The following RIPK2 variants were observed in gnomAD, a reference collection of about 807,000 sequenced individuals.
The protein encoded by RIPK2 is receptor-interacting serine/threonine-protein kinase 2.
Under a neutral mutation model 60.9 loss-of-function variants are expected in RIPK2, and 38 were observed. That is an observed-to-expected ratio of 0.62 (90% CI 0.48 to 0.82). The LOEUF (loss-of-function observed/expected upper bound fraction) is 0.82, where lower values mean the gene tolerates loss of function less well. Among genes scored for constraint, RIPK2 ranks in the 40% least tolerant of loss-of-function variants. RIPK2 has a pLI of 0.00. For missense variants in RIPK2, 518 were observed against 647.0 expected, an observed-to-expected ratio of 0.80 and a Z score of 2.16; for synonymous variants, 225 against 223.4, an observed-to-expected ratio of 1.01 and a Z score of -0.06.
At chr8:89,764,089 A>G (rs951657749) in intron 2 of RIPK2, among the ~76,000 whole-genome samples, 2 of 152,110 alleles carry the variant, frequency 1.3e-5, no homozygotes, top group Non-Finnish European at 1.5e-5. Context: ...CCTTGTCTCC[A>G]TGATCACAAG....
chr8:89,784,070 C>A lies in RIPK2; in HGVS notation c.960C>A (p.Ala320=). ...KKTKLQSVSS[A]IHLCDKKKME... Reference sequence around the variant, plus strand: ...TACAGTTACAGAGTGTTTCAAGTGCCATTCACCTATGTGACAAGAAGAAAA... The same window carrying A: ...TACAGTTACAGAGTGTTTCAAGTGCAATTCACCTATGTGACAAGAAGAAAA... Residue 320 remains alanine (A), a synonymous_variant, in exon 8 of 11, where the codon GCC becomes GCA. Transcript: ENST00000220751. 1 of 1,575,270 alleles carries A rather than the reference C, an allele frequency of 6.3e-7. No homozygotes were observed. Among genetic ancestry groups the A allele is most frequent in the Non-Finnish European group, 8.6e-7 (1 of 1,156,174 alleles).
At chr8:89,788,466 G>T (rs1809622622) in intron 9 of RIPK2, among the ~76,000 whole-genome samples, 1 of 151,938 alleles carries the variant, frequency 6.6e-6, no homozygotes, top group Non-Finnish European at 1.5e-5. Flanking sequence ...TGGCCAGAGG[G>T]CTTTTGAAAA....
intron 6 of RIPK2, among the ~76,000 whole-genome samples, chr8:89,779,480 A>G (rs779968178): frequency 2.0e-5 from 3 of 151,600 alleles, no homozygotes; most frequent in Non-Finnish European, 4.4e-5. Context: ...ACGCCCAGCT[A>G]ATTTTCTTTT....
At chr8:89,781,580 T>A (rs39507) in intron 7 of RIPK2, among the ~76,000 whole-genome samples, 68,494 of 151,196 alleles carry the variant, frequency 0.45, 15,562 homozygotes, top group Middle Eastern at 0.49. Context: ...TTCTTTTTTT[T>A]AAAAAAAATC....
At chr8:89,779,213 T>G (rs1809451708) in intron 6 of RIPK2, among the ~76,000 whole-genome samples, 1 of 151,440 alleles carries the variant, frequency 6.6e-6, no homozygotes, top group Admixed American at 6.6e-5. Flanking sequence ...GGAAATATAG[T>G]GTGCAAGGCT....
chr8:89,771,675 G>A lies in RIPK2; in HGVS notation c.642-66G>A, dbSNP rs1181275161. The A allele has an allele frequency of 1.9e-5, 20 of 1,033,258 alleles. No homozygotes were observed. The Admixed American group carries it at 4.8e-4, about 25-fold the overall frequency. The allele number at this position is 1,033,258 out of a possible 1,614,324, so 64.0% of individuals were successfully genotyped here. A position where few individuals can be genotyped will look rare whatever the true frequency, so the allele number is the denominator to read the frequency against. On this transcript the variant is annotated intron_variant, in intron 4 of 10. Coordinates refer to ENST00000220751, the MANE Select transcript of RIPK2 (RefSeq NM_003821.6). The stretch of plus-strand genomic sequence containing the variant: ...TCTTCAGTCAGCTTTTAAAAATAGT[G>A]CTATTTTAGTTTATTATGCAGAGTT...
chr8:89,767,491 A>G (rs1809247784), intron 3 of RIPK2, among the ~76,000 whole-genome samples: 1 of 151,720 alleles, frequency 6.6e-6, no homozygotes, highest in Admixed American at 6.6e-5. Flanking sequence ...TGGTAGGGGA[A>G]AGGAGAGAGA....
At chr8:89,758,300 G>C in intron 1 of RIPK2, 67 bp downstream of exon 1, 1 of 1,464,120 alleles carries the variant, frequency 6.8e-7, no homozygotes, top group Non-Finnish European at 9.1e-7. Flanking sequence ...CCCCTGACAA[G>C]CGGGCTCTAG....
At chr8:89,784,637 A>G (rs564598313) in intron 8 of RIPK2, among the ~76,000 whole-genome samples, 1 of 152,340 alleles carries the variant, frequency 6.6e-6, no homozygotes, top group East Asian at 1.9e-4. Flanking sequence ...ACATAGATTG[A>G]GCATCCCTAA....
chr8:89,786,008 G>GC (rs1586134474), intron 8 of RIPK2, among the ~76,000 whole-genome samples: 1 of 152,070 alleles, frequency 6.6e-6, no homozygotes, highest in East Asian at 1.9e-4. Flanking sequence ...CACTATTCTA[G>GC]CTACTGGCTG....
At chr8:89,768,695 A>AT (rs1055527850) in intron 3 of RIPK2, among the ~76,000 whole-genome samples, 3 of 151,150 alleles carry the variant, frequency 2.0e-5, no homozygotes, top group Admixed American at 6.6e-5. Flanking sequence ...GATTATTTTT[A>AT]TTTTTTTTCT....
intron 1 of RIPK2, 118 bp from the exon 2 acceptor site, chr8:89,762,711 C>A (rs1405677663): frequency 6.3e-6 from 3 of 474,246 alleles, no homozygotes; most frequent in Admixed American, 8.2e-5. Flanking sequence ...AGAGAAGTTG[C>A]ATAATTTACA....
Position 89,789,664 on chromosome 8 carries a change from A to G in RIPK2, c.1285+182A>G, listed in dbSNP as rs76966445. ...GATGACATGGCCCAAATGGTATTCT[A>G]TGAACATCTAAATAGGGAGGCAGTG... On this transcript the variant is annotated intron_variant, in intron 10 of 10. Transcript: ENST00000220751. Among the ~76,000 whole-genome samples the G allele has an allele frequency of 4.6e-3, 701 of 152,316 alleles. 4 individuals are homozygous for G. Among genetic ancestry groups the G allele is most frequent in the African/African-American group, 0.016 (664 of 41,572 alleles).
intron 7 of RIPK2, 162 bp downstream of exon 7, chr8:89,780,322 T>G: frequency 5.1e-6 from 2 of 391,000 alleles, no homozygotes; most frequent in Non-Finnish European, 9.2e-6. Flanking sequence ...ATACTACTTT[T>G]CCTTTGTCAC....
intron 4 of RIPK2, 42 bp from the exon 5 acceptor site, chr8:89,771,699 T>G (rs1809313974): frequency 7.3e-7 from 1 of 1,367,946 alleles, no homozygotes; most frequent in African/African-American, 1.5e-5. Flanking sequence ...TTATGCAGAG[T>G]TCATTTAAAA....
At chr8:89,785,923 A>AGGG (rs929868915) in intron 8 of RIPK2, among the ~76,000 whole-genome samples, 2 of 152,204 alleles carry the variant, frequency 1.3e-5, no homozygotes, top group African/African-American at 4.8e-5. Flanking sequence ...TCCATGTGGA[A>AGGG]GGAACCTGAG....
intron 6 of RIPK2, among the ~76,000 whole-genome samples, chr8:89,777,458 T>C (rs943375212): frequency 1.7e-4 from 26 of 152,170 alleles, no homozygotes; most frequent in South Asian, 8.3e-4. Context: ...TGGATATAAG[T>C]ATTGAATGAA....
chr8:89,781,944 T>C (rs1809508123), intron 7 of RIPK2, among the ~76,000 whole-genome samples: 1 of 152,112 alleles, frequency 6.6e-6, no homozygotes, highest in Non-Finnish European at 1.5e-5. Flanking sequence ...TAATTAGTAA[T>C]AAGAGTTATT....
At chr8:89,781,354 A>ATTTTTTTTTTTTTCT (rs1809496142) in intron 7 of RIPK2, among the ~76,000 whole-genome samples, 2 of 143,962 alleles carry the variant, frequency 1.4e-5, no homozygotes, top group African/African-American at 5.2e-5. Flanking sequence ...AATAGATTGA[A>ATTTTTTTTTTTTTCT]TTTTTTTTTT....
Sources: allele counts gnomAD v4.1 joint callset (sites outside exome capture counted in the v4.1 genomes callset), GRCh38; gene constraint gnomAD v4.1.1; transcripts MANE v1.5; gene names NCBI Gene and HGNC (gene_info 2026-07-23, HGNC 2026-07-21).